ELAPOR2: variants seen among roughly 807,000 people sequenced by gnomAD.
ELAPOR2 encodes the protein endosome-lysosome associated apoptosis and autophagy regulator family member 2.
Under a neutral mutation model 120.7 loss-of-function variants are expected in ELAPOR2, and 89 were observed. That is an observed-to-expected ratio of 0.74 (90% CI 0.62 to 0.88). ELAPOR2 has a LOEUF of 0.88. ELAPOR2 is among the 40% of genes least tolerant of loss of function. ELAPOR2 has a pLI of 0.00. For synonymous variants in ELAPOR2, 444 were observed against 444.9 expected, an observed-to-expected ratio of 1.00 and a Z score of 0.03; for missense variants, 1,134 against 1,251.6, an observed-to-expected ratio of 0.91 and a Z score of 1.42.
In ELAPOR2 at chr7:86,891,858, T is replaced by A. The variant is rs747387104; in HGVS notation, c.2896A>T (p.Thr966Ser). 7 of 1,608,880 alleles carry A rather than the reference T, an allele frequency of 4.4e-6. No homozygotes were observed. Among genetic ancestry groups the A allele is most frequent in the Non-Finnish European group, 5.9e-6 (7 of 1,177,066 alleles). ...AGTTCACACTCTTTTGAGTTAGTCG[T>A]CATTACTAACTTGGAATATTTGTAT... ...LEYKYSKLVM[T>S]TNSKECELPA... The change falls in exon 21 of 22, where the codon ACG becomes TCG. Residue 966 changes from threonine to serine, a missense_variant. Thr to Ser is a moderately conservative substitution (Grantham distance 58, BLOSUM62 1). Transcript: ENST00000450689.
intron 1 of ELAPOR2, among the ~76,000 whole-genome samples, chr7:87,031,637 TAGTACTTAC>T (rs1794425495): frequency 6.6e-6 from 1 of 152,140 alleles, no homozygotes; most frequent in African/African-American, 2.4e-5. Context: ...AAAAATCCTT[TAGTACTTAC>T]ACTTACATGT....
chr7:87,000,918 A>ACATTT (rs1793296213), intron 1 of ELAPOR2, among the ~76,000 whole-genome samples: 1 of 151,576 alleles, frequency 6.6e-6, no homozygotes, highest in Non-Finnish European at 1.5e-5. Flanking sequence ...TGACCTGGGA[A>ACATTT]CTTTACTTCT....
chr7:86,986,216 T>A lies in ELAPOR2; in HGVS notation c.190-21192A>T. Among the ~76,000 whole-genome samples the A allele has an allele frequency of 1.7e-5, 2 of 119,882 alleles. 1 individual carries two copies. The highest frequency in any genetic ancestry group is 3.4e-5 in the Non-Finnish European group (2 of 58,606). The allele number at this position is 119,882 out of a possible 152,430, so 78.6% of individuals were successfully genotyped here. ...AGGCCGAGGCGGGCGGATCACGAGG[T>A]CAGGAGATCGAGACCATCCCGGCTA... On this transcript the variant is annotated intron_variant, in intron 1 of 21. Coordinates refer to ENST00000450689, the MANE Select transcript of ELAPOR2 (RefSeq NM_001142749.3).
At chr7:87,039,099 G>C (rs1794679041) in intron 1 of ELAPOR2, among the ~76,000 whole-genome samples, 1 of 151,942 alleles carries the variant, frequency 6.6e-6, no homozygotes, top group Non-Finnish European at 1.5e-5. Context: ...TGATACTGCA[G>C]AAATGCAAAG....
At chr7:86,942,659 T>C (rs1327132702) in intron 4 of ELAPOR2, among the ~76,000 whole-genome samples, 1 of 152,078 alleles carries the variant, frequency 6.6e-6, no homozygotes, top group African/African-American at 2.4e-5. Flanking sequence ...TGGTAATCAT[T>C]TGCCATGCCA....
At chr7:87,039,682 A>G (rs749203975) in intron 1 of ELAPOR2, among the ~76,000 whole-genome samples, 21 of 152,236 alleles carry the variant, frequency 1.4e-4, no homozygotes, top group Non-Finnish European at 2.4e-4. Flanking sequence ...TTGATGCTGA[A>G]AAAGCATTTA....
chr7:86,925,308 A>T (rs892311363), intron 10 of ELAPOR2, among the ~76,000 whole-genome samples: 2 of 151,368 alleles, frequency 1.3e-5, no homozygotes, highest in Admixed American at 6.6e-5. Flanking sequence ...AATACTGCCT[A>T]AAAAAAATGC....
chr7:86,914,257 G>A (rs1789457864), intron 13 of ELAPOR2, among the ~76,000 whole-genome samples: 1 of 152,132 alleles, frequency 6.6e-6, no homozygotes, highest in Non-Finnish European at 1.5e-5. Flanking sequence ...ATGATTTTGT[G>A]TGTTAACTCA....
At chr7:86,963,734 A>G (rs1791801844) in intron 2 of ELAPOR2, among the ~76,000 whole-genome samples, 1 of 152,162 alleles carries the variant, frequency 6.6e-6, no homozygotes, top group Non-Finnish European at 1.5e-5. Context: ...TTCCCTTTCA[A>G]CCACATTCCT....
chr7:86,904,780 T>A (rs1226824885), intron 18 of ELAPOR2, among the ~76,000 whole-genome samples: 1 of 152,202 alleles, frequency 6.6e-6, no homozygotes, highest in Non-Finnish European at 1.5e-5. Context: ...GGGGATCTTA[T>A]GACATTTTCC....
At chr7:87,014,741 G>A (rs1793814884) in intron 1 of ELAPOR2, among the ~76,000 whole-genome samples, 1 of 151,926 alleles carries the variant, frequency 6.6e-6, no homozygotes, top group South Asian at 2.1e-4. Flanking sequence ...CCACTATAGA[G>A]AGCTCTTGAT....
intron 10 of ELAPOR2, among the ~76,000 whole-genome samples, chr7:86,925,157 C>G (rs1790010005): frequency 6.6e-6 from 1 of 151,966 alleles, no homozygotes; most frequent in East Asian, 1.9e-4. Flanking sequence ...CACCAGGGCA[C>G]AGTGCTGAGC....
chr7:86,892,408 A>C (rs1213629369), intron 20 of ELAPOR2, among the ~76,000 whole-genome samples: 1 of 152,082 alleles, frequency 6.6e-6, no homozygotes, highest in Non-Finnish European at 1.5e-5. Context: ...AAAAGATTCA[A>C]GTCCTATAAG....
intron 1 of ELAPOR2, among the ~76,000 whole-genome samples, chr7:87,041,530 GA>G (rs1189907955): frequency 2.0e-5 from 3 of 152,024 alleles, no homozygotes; most frequent in African/African-American, 7.3e-5. Flanking sequence ...AAGCGAAGGA[GA>G]AATAAAATAC....
chr7:86,949,070 A>C (rs1324914417), intron 2 of ELAPOR2, among the ~76,000 whole-genome samples: 1 of 152,244 alleles, frequency 6.6e-6, no homozygotes, highest in Non-Finnish European at 1.5e-5. Flanking sequence ...ACATCTACTT[A>C]TTCGCTGAAT....
intron 1 of ELAPOR2, among the ~76,000 whole-genome samples, chr7:86,972,584 GA>G (rs1246992575): frequency 4.6e-4 from 59 of 129,160 alleles, no homozygotes; most frequent in South Asian, 1.8e-3. Flanking sequence ...CATCAAGTAA[GA>G]AAAAAAAAAA....
At chr7:86,911,072 T>C (rs1363269437) in intron 15 of ELAPOR2, among the ~76,000 whole-genome samples, 2 of 151,870 alleles carry the variant, frequency 1.3e-5, no homozygotes, top group Admixed American at 6.6e-5. Flanking sequence ...AGATAGAAGC[T>C]AGAGGTGAAG....
At chr7:87,041,969 T>C (rs530168536) in intron 1 of ELAPOR2, among the ~76,000 whole-genome samples, 8 of 148,446 alleles carry the variant, frequency 5.4e-5, no homozygotes, top group Admixed American at 1.3e-4. Context: ...TCCTAGTCTC[T>C]GATAAAACAG....
intron 1 of ELAPOR2, among the ~76,000 whole-genome samples, chr7:87,020,347 A>G (rs758634141): frequency 2.0e-5 from 3 of 152,164 alleles, no homozygotes; most frequent in Non-Finnish European, 4.4e-5. Flanking sequence ...AGCACTCTTC[A>G]CAACAGCCAA....
Sources: allele counts gnomAD v4.1 joint callset (sites outside exome capture counted in the v4.1 genomes callset), GRCh38; gene constraint gnomAD v4.1.1; transcripts MANE v1.5; gene names NCBI Gene and HGNC (gene_info 2026-07-23, HGNC 2026-07-21).